ROBO1: variants seen among roughly 807,000 people sequenced by gnomAD.
ROBO1 encodes roundabout homolog 1.
In ROBO1, 149 loss-of-function variants were observed where a neutral mutation model predicts 195.9. The observed-to-expected ratio is 0.76, with a 90% CI of 0.67 to 0.87. ROBO1 has a LOEUF of 0.87. ROBO1 is among the 40% of genes least tolerant of loss of function. The pLI is 0.00. For missense variants in ROBO1, 1,933 were observed against 2,068.3 expected (o/e 0.93, Z 1.27); for synonymous variants, 816 against 733.2 (o/e 1.11, Z -1.82).
intron 2 of ROBO1, among the ~76,000 whole-genome samples, chr3:79,432,266 T>C (rs2038709295): frequency 6.6e-6 from 1 of 152,100 alleles, no homozygotes; most frequent in Admixed American, 6.6e-5. Flanking sequence ...TAATGAGTTA[T>C]ATTTCTTGCC....
At chr3:79,288,829 C>T (rs918812003) in intron 2 of ROBO1, among the ~76,000 whole-genome samples, 4 of 152,020 alleles carry the variant, frequency 2.6e-5, no homozygotes, top group African/African-American at 9.7e-5. Flanking sequence ...AGATTGCACT[C>T]AAAGTGTGTA....
chr3:79,482,582 A>C (rs1349432907), intron 2 of ROBO1, among the ~76,000 whole-genome samples: 1 of 152,172 alleles, frequency 6.6e-6, no homozygotes, highest in Non-Finnish European at 1.5e-5. Context: ...TCCTTTATAG[A>C]TTACCCAGTC....
chr3:78,992,372 T>A (rs2077258825), intron 3 of ROBO1, among the ~76,000 whole-genome samples: 1 of 152,092 alleles, frequency 6.6e-6, no homozygotes, highest in Non-Finnish European at 1.5e-5. Context: ...GGGAAGGGCT[T>A]ACATTGTTAA....
chr3:78,805,760 A>C (rs1374198766), intron 4 of ROBO1, among the ~76,000 whole-genome samples: 1 of 152,152 alleles, frequency 6.6e-6, no homozygotes, highest in Non-Finnish European at 1.5e-5. Context: ...TATACTCTAG[A>C]TATAGCATAT....
At chr3:79,583,513 T>C (rs527744560) in intron 2 of ROBO1, among the ~76,000 whole-genome samples, 48 of 152,032 alleles carry the variant, frequency 3.2e-4, no homozygotes, top group Non-Finnish European at 5.4e-4. Context: ...AAAAAGATAT[T>C]TCTTCCTAAG....
intron 23 of ROBO1, among the ~76,000 whole-genome samples, chr3:78,635,409 T>C (rs1328712357): frequency 6.6e-6 from 1 of 152,192 alleles, no homozygotes. Context: ...GAAGCAATTA[T>C]CTTCCATCCT....
At chr3:79,127,984 C>A (rs58489314) in intron 2 of ROBO1, among the ~76,000 whole-genome samples, 1 of 152,236 alleles carries the variant, frequency 6.6e-6, no homozygotes, top group African/African-American at 2.4e-5. Flanking sequence ...TTTTTAGCTG[C>A]TTTGCTAATT....
intron 3 of ROBO1, among the ~76,000 whole-genome samples, chr3:79,093,546 T>C (rs1004429920): frequency 2.6e-5 from 4 of 152,016 alleles, no homozygotes; most frequent in Admixed American, 2.6e-4. Flanking sequence ...TATCATTATT[T>C]AAAAAAATTA....
intron 2 of ROBO1, among the ~76,000 whole-genome samples, chr3:79,427,173 A>G (rs1487444735): frequency 6.6e-6 from 1 of 152,184 alleles, no homozygotes; most frequent in Admixed American, 6.5e-5. Context: ...ATCAGTTTAT[A>G]GAGATCTCTG....
chr3:78,627,656 G>A (rs1056408192), intron 25 of ROBO1, 87 bp from the exon 26 acceptor site: 19 of 1,383,092 alleles, frequency 1.4e-5, no homozygotes, highest in Non-Finnish European at 1.7e-5. Flanking sequence ...CCTTTAAATT[G>A]TTTTTCAAAT....
intron 1 of ROBO1, among the ~76,000 whole-genome samples, chr3:79,636,933 C>T (rs1209202283): frequency 1.3e-5 from 2 of 152,152 alleles, no homozygotes; most frequent in Admixed American, 1.3e-4. Flanking sequence ...AGTTACCAAA[C>T]ATTATCTTCT....
intron 1 of ROBO1, among the ~76,000 whole-genome samples, chr3:79,742,352 G>A (rs1373572227): frequency 1.3e-5 from 2 of 152,184 alleles, no homozygotes; most frequent in Non-Finnish European, 2.9e-5. Context: ...TGGACATAGC[G>A]TCCTGGATCC....
At chr3:78,844,438 A>G (rs967921988) in intron 4 of ROBO1, among the ~76,000 whole-genome samples, 9 of 152,114 alleles carry the variant, frequency 5.9e-5, no homozygotes, top group African/African-American at 1.9e-4. Context: ...TTAGAAAAGA[A>G]GTTTGTGATA....
At chr3:79,305,192 A>C (rs373409112) in intron 2 of ROBO1, among the ~76,000 whole-genome samples, 9 of 152,186 alleles carry the variant, frequency 5.9e-5, no homozygotes, top group African/African-American at 1.7e-4. Context: ...TCTATGTTTA[A>C]AAATTACAAA....
chr3:79,036,094 T>C (rs552475901), intron 3 of ROBO1, among the ~76,000 whole-genome samples: 37 of 152,272 alleles, frequency 2.4e-4, no homozygotes, highest in Admixed American at 9.8e-4. Context: ...AACAAATTAA[T>C]CTAACTTAAT....
At chr3:79,435,288 G>A (rs762471584) in intron 2 of ROBO1, among the ~76,000 whole-genome samples, 50 of 152,132 alleles carry the variant, frequency 3.3e-4, no homozygotes, top group East Asian at 3.9e-4. Flanking sequence ...GTCTTGCTAT[G>A]TTGTTCAGGC....
At chr3:79,210,228 A>C (rs2108800090) in intron 2 of ROBO1, among the ~76,000 whole-genome samples, 1 of 152,328 alleles carries the variant, frequency 6.6e-6, no homozygotes, top group Non-Finnish European at 1.5e-5. Context: ...ACTAAGCAAA[A>C]GAACAAATCT....
At chr3:78,886,717 C>A (rs561734081) in intron 4 of ROBO1, among the ~76,000 whole-genome samples, 1 of 151,940 alleles carries the variant, frequency 6.6e-6, no homozygotes, top group Admixed American at 6.6e-5. Flanking sequence ...TATGAATCTC[C>A]AAAACATAAT....
chr3:79,169,341 C>A (rs1306658763), intron 2 of ROBO1, among the ~76,000 whole-genome samples: 2 of 151,938 alleles, frequency 1.3e-5, no homozygotes, highest in Admixed American at 6.5e-5. Context: ...TCGTTTTTTT[C>A]TTTTGCTTGC....
Sources: allele counts gnomAD v4.1 joint callset (sites outside exome capture counted in the v4.1 genomes callset), GRCh38; gene constraint gnomAD v4.1.1; transcripts MANE v1.5; gene names NCBI Gene and HGNC (gene_info 2026-07-23, HGNC 2026-07-21).